The following PRCC variants were observed in gnomAD, a reference collection of about 807,000 sequenced individuals.
PRCC encodes proline rich mitotic checkpoint control factor.
A neutral mutation model predicts 44.0 loss-of-function variants in PRCC; 10 were observed. That is an observed-to-expected ratio of 0.23 (90% CI 0.14 to 0.39). The LOEUF (loss-of-function observed/expected upper bound fraction) is 0.39. PRCC is among the 10% of genes least tolerant of loss of function. The pLI is 1.00. For missense variants in PRCC, 573 were observed against 624.7 expected (o/e 0.92, Z 0.88); for synonymous variants, 278 against 259.5 (o/e 1.07, Z -0.69).
Position 156,798,450 on chromosome 1 carries a change from A to G in PRCC, c.1389+1109A>G, listed in dbSNP as rs567051431. Reference sequence around the variant, plus strand: ...GCAGGCAACTGCAGCTGCAGACCCCAGTCTACGGAACGTACCAAACAAGTC... The same window carrying G: ...GCAGGCAACTGCAGCTGCAGACCCCGGTCTACGGAACGTACCAAACAAGTC... On this transcript the variant is annotated intron_variant, in intron 6 of 6. Transcript: ENST00000271526. Among the ~76,000 whole-genome samples the G allele has an allele frequency of 8.5e-5, 13 of 152,264 alleles. No individual in the cohort carries two copies. The South Asian group carries it at 2.7e-3, about 32-fold the overall frequency.
chr1:156,773,020 G>A (rs1371707973), intron 1 of PRCC, among the ~76,000 whole-genome samples: 1 of 152,162 alleles, frequency 6.6e-6, no homozygotes, highest in Admixed American at 6.5e-5. Context: ...AAAGCAGAAA[G>A]CAATACAAAT....
At chr1:156,793,168 C>G (rs1185297188) in intron 4 of PRCC, among the ~76,000 whole-genome samples, 1 of 152,196 alleles carries the variant, frequency 6.6e-6, no homozygotes, top group African/African-American at 2.4e-5. Context: ...TCTGCCTGTG[C>G]TTGATACTGT....
chr1:156,776,375 G>T (rs1470924486), intron 1 of PRCC, among the ~76,000 whole-genome samples: 1 of 151,960 alleles, frequency 6.6e-6, no homozygotes, highest in Admixed American at 6.6e-5. Flanking sequence ...ATGTCTCAAG[G>T]GAAAAAGATG....
intron 1 of PRCC, among the ~76,000 whole-genome samples, chr1:156,773,538 C>G (rs1172688770): frequency 6.6e-6 from 1 of 152,048 alleles, no homozygotes; most frequent in African/African-American, 2.4e-5. Flanking sequence ...CTATTGTGGC[C>G]CGGGACACTC....
At chr1:156,773,744 A>G (rs1651716928) in intron 1 of PRCC, among the ~76,000 whole-genome samples, 1 of 152,152 alleles carries the variant, frequency 6.6e-6, no homozygotes, top group Non-Finnish European at 1.5e-5. Flanking sequence ...TGATCCACCA[A>G]TTTCACTTCT....
At chr1:156,768,821 T>TA (rs1651516359) in intron 1 of PRCC, among the ~76,000 whole-genome samples, 1 of 152,206 alleles carries the variant, frequency 6.6e-6, no homozygotes, top group Admixed American at 6.5e-5. Flanking sequence ...GGTAACATAC[T>TA]ATTGTTTTAC....
chr1:156,788,089 G>C (rs539551769), intron 3 of PRCC, among the ~76,000 whole-genome samples: 1 of 152,284 alleles, frequency 6.6e-6, no homozygotes, highest in East Asian at 1.9e-4. Context: ...GCCCGTTGCA[G>C]CCTCCTAAAG....
chr1:156,791,408 G>GC, intron 3 of PRCC: 1 of 483,728 alleles, frequency 2.1e-6, no homozygotes, highest in East Asian at 3.6e-5. Context: ...AGCTGAGGGA[G>GC]CAAGGTATAG....
At position 156,767,606 on chromosome 1, in the gene PRCC, C is replaced by A; in HGVS notation, c.-166C>A. The A allele has an allele frequency of 3.0e-6, 2 of 670,996 alleles. No homozygotes were observed. Among genetic ancestry groups the A allele is most frequent in the Non-Finnish European group, 2.5e-6 (1 of 400,748 alleles). 41.6% of individuals were successfully genotyped at this position (670,996 alleles called of 1,614,324 possible). ...GAGGTACGCCTTGTTCGGTGGAAAT[C>A]AGCCGTAGCCATGAGTTTCTGCCGG... On this transcript the variant is annotated 5_prime_UTR_variant, in exon 1 of 7. Coordinates refer to ENST00000271526, the MANE Select transcript of PRCC (RefSeq NM_005973.5).
chr1:156,778,624 C>T (rs1651915776), intron 1 of PRCC, among the ~76,000 whole-genome samples: 1 of 150,180 alleles, frequency 6.7e-6, no homozygotes, highest in African/African-American at 2.5e-5. Context: ...ACTCTGTTGC[C>T]CAGGCTGGAG....
At chr1:156,791,832 G>C (rs2102770097) in intron 4 of PRCC, 40 bp downstream of exon 4, 1 of 1,538,398 alleles carries the variant, frequency 6.5e-7, no homozygotes, top group East Asian at 2.3e-5. Context: ...TTGACCGCTG[G>C]GCACCACATT....
At position 156,767,763 on chromosome 1, in the gene PRCC, G is replaced by T; in HGVS notation, c.-9G>T. ...TGCCGGCAAGGGCGCCCGAAACGCG[G>T]GAGGCGCCATGTCGCTGGTTGCTTA... is the stretch of plus-strand genomic sequence containing the variant. On this transcript the variant is annotated 5_prime_UTR_variant, in exon 1 of 7. Transcript: ENST00000271526. 1 of 1,588,170 alleles carries T rather than the reference G, an allele frequency of 6.3e-7. No individual in the cohort carries two copies. The highest frequency in any genetic ancestry group is 8.6e-7 in the Non-Finnish European group (1 of 1,168,924).
chr1:156,788,576 C>T (rs1243053079), intron 3 of PRCC, among the ~76,000 whole-genome samples: 2 of 151,758 alleles, frequency 1.3e-5, no homozygotes, highest in Admixed American at 6.6e-5. Flanking sequence ...AATCTCCAAA[C>T]TACTTTCCAC....
chr1:156,777,111 G>A (rs141170625), intron 1 of PRCC, among the ~76,000 whole-genome samples: 176 of 152,318 alleles, frequency 1.2e-3, no homozygotes, highest in African/African-American at 3.6e-3. Context: ...GCTTGGGGAA[G>A]TTAAATAGCG....
At chr1:156,768,399 A>C (rs1299553297) in intron 1 of PRCC, among the ~76,000 whole-genome samples, 160 bp downstream of exon 1, 1 of 152,220 alleles carries the variant, frequency 6.6e-6, no homozygotes, top group Non-Finnish European at 1.5e-5. Context: ...GAAGTTGGTC[A>C]ACTTGGGGGA....
intron 1 of PRCC, among the ~76,000 whole-genome samples, chr1:156,779,145 T>A (rs1478500785): frequency 8.7e-4 from 72 of 82,784 alleles, no homozygotes; most frequent in African/African-American, 1.2e-3. Flanking sequence ...TTTTTTTTTT[T>A]TTTTTTTTTT....
At chr1:156,770,604 A>G (rs929295507) in intron 1 of PRCC, among the ~76,000 whole-genome samples, 1 of 151,958 alleles carries the variant, frequency 6.6e-6, no homozygotes, top group African/African-American at 2.4e-5. Flanking sequence ...TCAACTCCTG[A>G]CCTCAGGTGA....
At chr1:156,795,289 T>TTTTTG (rs1652626565) in intron 5 of PRCC, among the ~76,000 whole-genome samples, 1 of 57,744 alleles carries the variant, frequency 1.7e-5, no homozygotes, top group Non-Finnish European at 4.4e-5. Context: ...TCTGGTGTTT[T>TTTTTG]TTTTTTTTTT....
intron 1 of PRCC, among the ~76,000 whole-genome samples, chr1:156,769,662 C>A (rs1307621236): frequency 6.6e-6 from 1 of 152,078 alleles, no homozygotes; most frequent in Non-Finnish European, 1.5e-5. Context: ...TGCAGTGGCA[C>A]GATCTCTGCT....
Sources: allele counts gnomAD v4.1 joint callset (sites outside exome capture counted in the v4.1 genomes callset), GRCh38; gene constraint gnomAD v4.1.1; transcripts MANE v1.5; gene names NCBI Gene and HGNC (gene_info 2026-07-23, HGNC 2026-07-21).